The following LINGO1 variants were observed in gnomAD, a reference collection of about 807,000 sequenced individuals.
The protein encoded by LINGO1 is leucine-rich repeat and immunoglobulin-like domain-containing nogo receptor-interacting protein 1.
A neutral mutation model predicts 37.3 loss-of-function variants in LINGO1; 11 were observed. The ratio of observed to expected loss-of-function variants is 0.29; its 90% CI spans 0.19 to 0.49. The LOEUF (loss-of-function observed/expected upper bound fraction) is 0.49. LINGO1 is among the 20% of genes least tolerant of loss of function. The probability of loss-of-function intolerance (pLI) is 0.99; values close to 1 mark genes in which losing one functional copy is unlikely to be tolerated. For synonymous variants in LINGO1, 387 were observed against 403.0 expected (o/e 0.96, Z 0.48); for missense variants, 585 against 878.2 (o/e 0.67, Z 4.22).
At chr15:77,815,906 C>T (rs1478216303) in intron 1 of LINGO1, among the ~76,000 whole-genome samples, 2 of 152,210 alleles carry the variant, frequency 1.3e-5, no homozygotes, top group Non-Finnish European at 2.9e-5. Context: ...TCCATGCCCC[C>T]ATGTGAACTA....
chr15:77,692,197 A>G (rs1396149505), intron 1 of LINGO1, among the ~76,000 whole-genome samples: 1 of 152,032 alleles, frequency 6.6e-6, no homozygotes, highest in Non-Finnish European at 1.5e-5. Flanking sequence ...AGCACTTGAC[A>G]AATTAAAAGT....
chr15:77,671,641 A>G (rs2075250950), intron 3 of LINGO1, among the ~76,000 whole-genome samples: 1 of 152,128 alleles, frequency 6.6e-6, no homozygotes, highest in South Asian at 2.1e-4. Flanking sequence ...TGAGGTGGGG[A>G]GCAGCGGTGG....
At chr15:77,693,386 A>AG (rs2075638004) in intron 1 of LINGO1, among the ~76,000 whole-genome samples, 2 of 152,198 alleles carry the variant, frequency 1.3e-5, no homozygotes, top group African/African-American at 4.8e-5. Context: ...AATGTGAAAG[A>AG]GAAGACTTGG....
chr15:77,780,270 A>G (rs539213927), intron 1 of LINGO1, among the ~76,000 whole-genome samples: 331 of 152,274 alleles, frequency 2.2e-3, no homozygotes, highest in African/African-American at 7.0e-3. Context: ...GCTTCTCTCC[A>G]TGGACAATGG....
intron 1 of LINGO1, among the ~76,000 whole-genome samples, chr15:77,756,253 A>G (rs1464956373): frequency 6.6e-6 from 1 of 152,146 alleles, no homozygotes; most frequent in Non-Finnish European, 1.5e-5. Flanking sequence ...ACATGTGGAC[A>G]ATGCTTTACA....
chr15:77,690,467 T>A (rs1164097835), intron 2 of LINGO1, among the ~76,000 whole-genome samples: 1 of 152,224 alleles, frequency 6.6e-6, no homozygotes, highest in African/African-American at 2.4e-5. Context: ...AACCAGGTTC[T>A]GGTTGCACCG....
intron 1 of LINGO1, among the ~76,000 whole-genome samples, chr15:77,808,253 C>T (rs1790887018): frequency 6.6e-6 from 1 of 152,248 alleles, no homozygotes; most frequent in Non-Finnish European, 1.5e-5. Context: ...CCAGCCTCAT[C>T]TGCAGATGCT....
At chr15:77,790,475 G>A (rs995936295), upstream of LINGO1, among the ~76,000 whole-genome samples, 1 of 152,232 alleles carries the variant, frequency 6.6e-6, no homozygotes, top group African/African-American at 2.4e-5. Flanking sequence ...GAGGGGCTGG[G>A]TGGTGTGGCC....
intron 2 of LINGO1, among the ~76,000 whole-genome samples, chr15:77,792,158 A>C (rs1457190593): frequency 6.6e-6 from 1 of 151,968 alleles, no homozygotes; most frequent in Non-Finnish European, 1.5e-5. Context: ...TCTCCCTCCA[A>C]ACCCACGCTC....
intron 3 of LINGO1, chr15:77,666,968 A>C (rs1567505771): frequency 6.6e-6 from 1 of 152,278 alleles, no homozygotes; most frequent in Non-Finnish European, 1.5e-5. Flanking sequence ...AGGAATGAAA[A>C]GATCTAAAGA....
chr15:77,787,468 G>A (rs911020842), upstream of LINGO1, among the ~76,000 whole-genome samples: 14 of 151,972 alleles, frequency 9.2e-5, no homozygotes, highest in African/African-American at 3.4e-4. Context: ...AGTGTGCAGA[G>A]GCTAAGCACA....
chr15:77,691,240 G>A (rs1415568471), intron 1 of LINGO1, among the ~76,000 whole-genome samples: 2 of 152,198 alleles, frequency 1.3e-5, no homozygotes, highest in Non-Finnish European at 2.9e-5. Context: ...GGACAACACA[G>A]CTGTGGATCA....
chr15:77,708,446 A>G (rs1004499214), intron 2 of LINGO1, among the ~76,000 whole-genome samples: 1 of 152,202 alleles, frequency 6.6e-6, no homozygotes, highest in Non-Finnish European at 1.5e-5. Flanking sequence ...GCCCAGAAGG[A>G]AAACGAAGGT....
At chr15:77,781,292 C>G (rs939815738) in intron 1 of LINGO1, among the ~76,000 whole-genome samples, 11 of 152,130 alleles carry the variant, frequency 7.2e-5, no homozygotes, top group African/African-American at 2.7e-4. Context: ...TCAGCCAGGC[C>G]GGAGCCAGCC....
At chr15:77,669,963 T>C (rs1485798717) in intron 3 of LINGO1, among the ~76,000 whole-genome samples, 2 of 152,166 alleles carry the variant, frequency 1.3e-5, no homozygotes, top group Non-Finnish European at 2.9e-5. Context: ...CATGAATGAC[T>C]ATATAAACAA....
At chr15:77,624,839 C>CG (rs1436035226) in intron 1 of LINGO1, among the ~76,000 whole-genome samples, 8 of 152,016 alleles carry the variant, frequency 5.3e-5, no homozygotes, top group Admixed American at 2.0e-4. Context: ...AGTGCCTATT[C>CG]GGGGGGGTAA....
chr15:77,693,734 G>A (rs1003180303), intron 1 of LINGO1, among the ~76,000 whole-genome samples: 2 of 152,172 alleles, frequency 1.3e-5, no homozygotes, highest in African/African-American at 4.8e-5. Flanking sequence ...AGAGAGGGAG[G>A]AAACAGATTC....
chr15:77,644,505 T>C (rs539566397), intron 3 of LINGO1, among the ~76,000 whole-genome samples: 21 of 152,324 alleles, frequency 1.4e-4, no homozygotes, highest in African/African-American at 4.8e-4. Flanking sequence ...CCCTGTGGTA[T>C]TTCCGTCACC....
chr15:77,673,601 C>G (rs185059555), intron 3 of LINGO1, among the ~76,000 whole-genome samples: 1 of 152,342 alleles, frequency 6.6e-6, no homozygotes, highest in East Asian at 1.9e-4. Flanking sequence ...TCTGTTCCCC[C>G]TCAGCTCCCC....
Sources: gnomAD v4.1 joint callset for allele counts (sites outside exome capture counted in the v4.1 genomes callset) on GRCh38, gnomAD v4.1.1 for gene constraint, MANE v1.5 for transcripts, NCBI Gene and HGNC (gene_info 2026-07-23, HGNC 2026-07-21) for gene names.